The following TRIO variants were observed in gnomAD, a reference collection of about 807,000 sequenced individuals.
The protein encoded by TRIO is triple functional domain protein.
Under a neutral mutation model 351.9 loss-of-function variants are expected in TRIO, and 58 were observed. The observed-to-expected ratio is 0.16, with a 90% CI of 0.13 to 0.21. The LOEUF (loss-of-function observed/expected upper bound fraction) is 0.21, where lower values mean the gene tolerates loss of function less well. Among genes scored for constraint, TRIO ranks in the 10% least tolerant of loss-of-function variants. The probability of loss-of-function intolerance (pLI) is 1.00; values close to 1 mark genes in which losing one functional copy is unlikely to be tolerated. For missense variants in TRIO, 3,201 were observed against 4,027.8 expected (o/e 0.79, Z 5.56); for synonymous variants, 1,758 against 1,595.7 (o/e 1.10, Z -2.42).
chr5:14,423,874 C>A (rs147661562), intron 34 of TRIO, among the ~76,000 whole-genome samples: 3 of 151,768 alleles, frequency 2.0e-5, no homozygotes, highest in East Asian at 3.9e-4. Context: ...CTGCCCAGAG[C>A]CTTTGCCATT....
intron 8 of TRIO, 133 bp from the exon 9 acceptor site, chr5:14,316,380 G>C: frequency 1.2e-6 from 1 of 839,628 alleles, no homozygotes; most frequent in South Asian, 1.8e-5. Flanking sequence ...TGAATGTCTG[G>C]GCATGTGTGT....
intron 21 of TRIO, among the ~76,000 whole-genome samples, chr5:14,383,360 C>A (rs1746279024): frequency 6.6e-6 from 1 of 152,194 alleles, no homozygotes; most frequent in African/African-American, 2.4e-5. Flanking sequence ...GGCCAGACAG[C>A]CTGCTCACTG....
At position 14,189,209 on chromosome 5, in the gene TRIO, G is replaced by A. The variant is rs1238692734; in HGVS notation, c.157+45327G>A. ...ATATGTTATCCTACACTAAGCCTAA[G>A]CTTTAATGAGGATATTGGTACCTGA... On this transcript the variant is annotated intron_variant, in intron 1 of 56. Transcript: ENST00000344204. Among the ~76,000 whole-genome samples, 10 of 152,300 alleles carry A rather than the reference G, an allele frequency of 6.6e-5. No individual in the cohort carries two copies. The Middle Eastern group carries it at 0.01, about 155-fold the overall frequency.
chr5:14,396,601 C>T (rs1747618933), intron 28 of TRIO, among the ~76,000 whole-genome samples: 1 of 150,984 alleles, frequency 6.6e-6, no homozygotes, highest in South Asian at 2.1e-4. Flanking sequence ...TCCCAAGTAG[C>T]TGGGATTACA....
At chr5:14,491,274 C>T (rs929644565) in intron 48 of TRIO, among the ~76,000 whole-genome samples, 8 of 152,182 alleles carry the variant, frequency 5.3e-5, no homozygotes, top group Non-Finnish European at 1.0e-4. Context: ...TAGACCAGGG[C>T]TGAGAGGCGG....
At chr5:14,161,431 G>A (rs1788450884) in intron 1 of TRIO, among the ~76,000 whole-genome samples, 1 of 152,070 alleles carries the variant, frequency 6.6e-6, no homozygotes, top group African/African-American at 2.4e-5. Flanking sequence ...GCCTCTTGAG[G>A]CCCATTGGTG....
intron 33 of TRIO, among the ~76,000 whole-genome samples, chr5:14,414,603 G>A (rs760504069): frequency 1.3e-5 from 2 of 151,810 alleles, no homozygotes; most frequent in Non-Finnish European, 2.9e-5. Context: ...TTTTCTCACC[G>A]ATTTTTTTTT....
chr5:14,200,860 A>G (rs1433939775), intron 1 of TRIO, among the ~76,000 whole-genome samples: 1 of 152,210 alleles, frequency 6.6e-6, no homozygotes, highest in East Asian at 1.9e-4. Flanking sequence ...TCTTTTGTTA[A>G]ACAGCTGAGT....
At chr5:14,187,190 T>C (rs1194422691) in intron 1 of TRIO, among the ~76,000 whole-genome samples, 1 of 152,242 alleles carries the variant, frequency 6.6e-6, no homozygotes, top group Non-Finnish European at 1.5e-5. Flanking sequence ...AAAAAGTTGA[T>C]AAGTACTAAA....
Position 14,461,125 on chromosome 5 carries a change from C to T in TRIO, c.5310C>T (p.Gly1770=). 1 of 1,557,064 alleles carries T rather than the reference C, an allele frequency of 6.4e-7. No individual in the cohort carries two copies. The highest frequency in any genetic ancestry group is 1.2e-5 in the South Asian group (1 of 84,530). Residue 1770 remains glycine (G), a synonymous_variant, in exon 35 of 57, where the codon GGC becomes GGT. Transcript: ENST00000344204. The part of the protein sequence containing the change: ...AQSSPGPKRP[G]NTLRKWLTSP... ...GCTCGCCGGGCCCCAAGCGGCCGGG[C>T]AACACCCTGCGCAAGTGGCTCACCA...
chr5:14,396,923 A>C, intron 28 of TRIO, 120 bp from the exon 29 acceptor site: 1 of 758,300 alleles, frequency 1.3e-6, no homozygotes, highest in Admixed American at 2.7e-5. Context: ...ACATATGCCC[A>C]GTTGACCACA....
chr5:14,323,762 T>C (rs190836258), intron 9 of TRIO, among the ~76,000 whole-genome samples: 2 of 152,214 alleles, frequency 1.3e-5, no homozygotes, highest in Admixed American at 6.5e-5. Context: ...GGAAAGAAAG[T>C]GTGAGCTAGA....
At chr5:14,246,095 C>T (rs1794421661) in intron 1 of TRIO, among the ~76,000 whole-genome samples, 1 of 152,204 alleles carries the variant, frequency 6.6e-6, no homozygotes, top group Non-Finnish European at 1.5e-5. Flanking sequence ...CTTCCCCTCT[C>T]ACCTTAAACC....
chr5:14,166,260 T>C (rs550392535), intron 1 of TRIO, among the ~76,000 whole-genome samples: 1 of 152,344 alleles, frequency 6.6e-6, no homozygotes, highest in East Asian at 1.9e-4. Context: ...TCTGAGCCTG[T>C]CTTCTTCTGC....
intron 23 of TRIO, 57 bp downstream of exon 23, chr5:14,387,904 T>C: frequency 6.4e-7 from 1 of 1,563,968 alleles, no homozygotes; most frequent in South Asian, 1.1e-5. Flanking sequence ...GAGAATGTCA[T>C]TTGGACAGAC....
At position 14,498,197 on chromosome 5, in the gene TRIO, A is replaced by G; in HGVS notation, c.8156A>G (p.Lys2719Arg). ...CGRPKASITW[K>R]GPEHNTLNND... is the part of the protein sequence containing the mutation. ...CGCCCCAAAGCCTCAATTACCTGGAAGGGCCCTGAACACAACACCTTGAAC... is the reference window on the plus strand; with the variant it reads ...CGCCCCAAAGCCTCAATTACCTGGAGGGGCCCTGAACACAACACCTTGAAC... The change falls in exon 52 of 57, where the codon AAG (lysine) becomes AGG (arginine). Residue 2719 changes from lysine (K) to arginine (R), a missense_variant. Transcript: ENST00000344204. 1 of 1,614,220 alleles carries G rather than the reference A, an allele frequency of 6.2e-7. No individual in the cohort carries two copies. The highest frequency in any genetic ancestry group is 8.5e-7 in the Non-Finnish European group (1 of 1,180,032).
intron 2 of TRIO, 131 bp from the exon 3 acceptor site, chr5:14,280,191 A>G: frequency 1.3e-6 from 1 of 773,666 alleles, no homozygotes. Context: ...GCCTCAGCTG[A>G]AACAAGGACT....
At chr5:14,191,153 C>T (rs1217384649) in intron 1 of TRIO, among the ~76,000 whole-genome samples, 2 of 152,164 alleles carry the variant, frequency 1.3e-5, no homozygotes, top group African/African-American at 2.4e-5. Flanking sequence ...TGGTTCCTAC[C>T]TAGTGGGTCA....
intron 34 of TRIO, among the ~76,000 whole-genome samples, chr5:14,453,348 A>G (rs1057074878): frequency 1.5e-4 from 23 of 152,208 alleles, no homozygotes; most frequent in African/African-American, 3.4e-4. Context: ...TAATTCATCT[A>G]GATTGCTTCA....
Sources: gnomAD v4.1 joint callset for allele counts (sites outside exome capture counted in the v4.1 genomes callset) on GRCh38, gnomAD v4.1.1 for gene constraint, MANE v1.5 for transcripts, NCBI Gene and HGNC (gene_info 2026-07-23, HGNC 2026-07-21) for gene names.